The following MCF2L variants were observed in gnomAD, a reference collection of about 807,000 sequenced individuals.
MCF2L encodes the protein guanine nucleotide exchange factor DBS.
A neutral mutation model predicts 153.4 loss-of-function variants in MCF2L; 97 were observed. That is an observed-to-expected ratio of 0.63 (90% CI 0.54 to 0.75). The LOEUF (loss-of-function observed/expected upper bound fraction) is 0.75. Ranked by LOEUF, MCF2L falls within the 30% of genes least tolerant of loss-of-function variation. The pLI is 0.00. For synonymous variants in MCF2L, 659 were observed against 632.2 expected, an observed-to-expected ratio of 1.04 and a Z score of -0.64; for missense variants, 1,347 against 1,495.2, an observed-to-expected ratio of 0.90 and a Z score of 1.64.
chr13:113,082,275 T>G, intron 16 of MCF2L, 152 bp from the exon 17 acceptor site: 2 of 604,834 alleles, frequency 3.3e-6, no homozygotes, highest in Non-Finnish European at 6.1e-6. Flanking sequence ...TGCTTTTGCT[T>G]TGATGGATGC....
chr13:112,894,920 G>A (rs920707244), intron 1 of MCF2L, among the ~76,000 whole-genome samples: 1 of 101,240 alleles, frequency 9.9e-6, no homozygotes, highest in Non-Finnish European at 2.3e-5. Flanking sequence ...GGCTGGGGTC[G>A]GGCCCACACC....
chr13:112,970,256 T>C (rs1270819039), intron 1 of MCF2L, among the ~76,000 whole-genome samples: 1 of 152,216 alleles, frequency 6.6e-6, no homozygotes, highest in Non-Finnish European at 1.5e-5. Context: ...TATATGCCAT[T>C]ACTAGTTGTC....
intron 4 of MCF2L, among the ~76,000 whole-genome samples, chr13:113,060,282 G>A (rs894303854): frequency 6.6e-6 from 1 of 152,200 alleles, no homozygotes; most frequent in Admixed American, 6.5e-5. Context: ...TGGGAGTTAG[G>A]CTTCGACATC....
At chr13:112,944,511 C>T (rs1341344082) in intron 2 of MCF2L, among the ~76,000 whole-genome samples, 1 of 151,754 alleles carries the variant, frequency 6.6e-6, no homozygotes, top group African/African-American at 2.4e-5. Flanking sequence ...CTATGCACCA[C>T]CAGTGCTAAG....
chr13:113,094,877 G>C (rs2035519922), intron 27 of MCF2L: 1 of 1,124,300 alleles, frequency 8.9e-7, no homozygotes, highest in African/African-American at 1.6e-5. Context: ...CTCTCTGGAA[G>C]GTCCACCTGG....
chr13:112,935,202 A>G (rs2081502800), intron 2 of MCF2L, among the ~76,000 whole-genome samples: 1 of 152,194 alleles, frequency 6.6e-6, no homozygotes, highest in African/African-American at 2.4e-5. Context: ...TCACATACCC[A>G]TACGGCCATT....
intron 25 of MCF2L, among the ~76,000 whole-genome samples, chr13:113,089,174 C>A (rs1242604519): frequency 8.5e-6 from 1 of 117,402 alleles, no homozygotes; most frequent in African/African-American, 3.5e-5. Flanking sequence ...CCCCCGCCCC[C>A]CCCCCCGCCC....
In MCF2L at chr13:113,024,705, G is replaced by A. The variant is rs35348545; in HGVS notation, c.225G>A (p.Glu75=). The change falls in exon 3 of 30, where the codon GAG becomes GAA. Residue 75 remains glutamate (E), a synonymous_variant. Transcript: ENST00000535094. ...TCCCTGACTACCCGGCCTTCAGCGA[G>A]ATTCCGGACAAGGAGTTCCAGAATG... ...ITFPDYPAFS[E]IPDKEFQNVM... The A allele has an allele frequency of 1.4e-3, 2,306 of 1,614,216 alleles. 28 individuals carry two copies. In the African/African-American group the frequency reaches 0.028, roughly 19 times the overall value.
intron 1 of MCF2L, among the ~76,000 whole-genome samples, chr13:113,005,267 C>T (rs1429774951): frequency 6.6e-6 from 1 of 152,174 alleles, no homozygotes; most frequent in East Asian, 1.9e-4. Flanking sequence ...GCTGCAGGCA[C>T]AGAAAGGCAA....
Position 113,028,081 on chromosome 13 carries a change from C to T in MCF2L, c.278+3323C>T, listed in dbSNP as rs896250149. 6.6e-6 allele frequency among the ~76,000 whole-genome samples: 1 copy of T among 152,182 alleles called. No individual in the cohort carries two copies. The highest frequency in any genetic ancestry group is 2.1e-4 in the South Asian group (1 of 4,832). On this transcript the variant is annotated intron_variant, in intron 3 of 29. Transcript: ENST00000535094. This position sits in a 1 kb window ranked among gnomAD's most constrained non-coding sequence, Gnocchi z 5.4. ...AATGCTGACTGGTCAGACTCATGCT[C>T]AGAAATCAGGGCTGTTGTCAGTGCT...
At chr13:113,055,994 C>T (rs2087740033) in intron 4 of MCF2L, among the ~76,000 whole-genome samples, 1 of 152,216 alleles carries the variant, frequency 6.6e-6, no homozygotes, top group Non-Finnish European at 1.5e-5. Context: ...CCGCAGCAGA[C>T]ACCCGCAGAG....
upstream of MCF2L, chr13:112,894,349 C>A (rs1328870473): frequency 1.3e-5 from 2 of 151,022 alleles, no homozygotes; most frequent in Admixed American, 1.3e-4. Flanking sequence ...TCGGCGCAGC[C>A]CTGGGAGGAG....
At chr13:112,920,312 A>G (rs2081339458) in intron 2 of MCF2L, among the ~76,000 whole-genome samples, 1 of 152,206 alleles carries the variant, frequency 6.6e-6, no homozygotes, top group African/African-American at 2.4e-5. Flanking sequence ...TGCAAAATGC[A>G]GAAGAAAACT....
intron 17 of MCF2L, 90 bp from the exon 18 acceptor site, chr13:113,083,908 A>T: frequency 1.1e-6 from 1 of 946,488 alleles, no homozygotes; most frequent in South Asian, 1.3e-5. Flanking sequence ...AAGGCGTAAC[A>T]GGCTTCTGAA....
intron 1 of MCF2L, among the ~76,000 whole-genome samples, chr13:113,013,095 A>G (rs1479044879): frequency 6.6e-6 from 1 of 152,142 alleles, no homozygotes; most frequent in Non-Finnish European, 1.5e-5. Flanking sequence ...GGTGAGAGAG[A>G]AAAACTTACC....
intron 2 of MCF2L, among the ~76,000 whole-genome samples, chr13:112,940,526 T>C (rs1010842057): frequency 5.9e-5 from 9 of 152,276 alleles, no homozygotes; most frequent in Non-Finnish European, 1.3e-4. Flanking sequence ...CCGCTGCCTA[T>C]GTGGGTCACC....
chr13:113,077,250 C>T lies in MCF2L; in HGVS notation c.1660+39C>T, dbSNP rs2033593179. 2.0e-6 allele frequency: 3 copies of T among 1,480,584 alleles called. No individual in the cohort carries two copies. In the African/African-American group the frequency reaches 4.2e-5, roughly 21 times the overall value. 91.7% of individuals were successfully genotyped at this position (1,480,584 alleles called of 1,614,324 possible). ...CCCGGTGCCCCGGGTGCTGTGGGAC[C>T]CTCGGGGGAGCCCCGGGCGTTGAGA... is the stretch of plus-strand genomic sequence containing the variant. On this transcript the variant is annotated intron_variant, in intron 13 of 29. Coordinates refer to ENST00000535094, the MANE Select transcript of MCF2L (RefSeq NM_001112732.3).
rs1011664087 is a variant in MCF2L, at chr13:113,054,191, C to T, written c.370-6402C>T. 11 of 167,338 alleles carry T rather than the reference C, an allele frequency of 6.6e-5. No homozygotes were observed. The highest frequency in any genetic ancestry group is 6.2e-4 in the South Asian group (3 of 4,814). The allele number at this position is 167,338 out of a possible 1,614,324, so 10.4% of individuals were successfully genotyped here. A position where few individuals can be genotyped will look rare whatever the true frequency, so the allele number is the denominator to read the frequency against. ...GTCCAATCTCAGGATCCTGGATGCA[C>T]GCCTGTTCTCCAGGTCTGCTTCCCG... On this transcript the variant is annotated intron_variant, in intron 4 of 29. Transcript: ENST00000535094. This position sits in a 1 kb window ranked among gnomAD's most constrained non-coding sequence, Gnocchi z 5.2.
intron 4 of MCF2L, among the ~76,000 whole-genome samples, chr13:113,058,073 G>A (rs370576692): frequency 4.1e-4 from 60 of 147,298 alleles, no homozygotes; most frequent in East Asian, 3.5e-3. Context: ...TGAGTGTTTC[G>A]GTGCTGTTTG....
Sources: gnomAD v4.1 joint callset for allele counts (sites outside exome capture counted in the v4.1 genomes callset) on GRCh38, gnomAD v4.1.1 for gene constraint, Gnocchi (gnomAD v3.1) non-coding constraint, MANE v1.5 for transcripts, NCBI Gene and HGNC (gene_info 2026-07-23, HGNC 2026-07-21) for gene names.